The following ZMYM2 variants were observed in gnomAD, a reference collection of about 807,000 sequenced individuals.
The protein encoded by ZMYM2 is zinc finger MYM-type containing 2.
In ZMYM2, 56 loss-of-function variants were observed where a neutral mutation model predicts 162.8. That is an observed-to-expected ratio of 0.34 (90% CI 0.28 to 0.43). The LOEUF is 0.43. Ranked by LOEUF, ZMYM2 falls within the 20% of genes least tolerant of loss-of-function variation. The pLI is 1.00. For missense variants in ZMYM2, 1,275 were observed against 1,621.8 expected (o/e 0.79, Z 3.67); for synonymous variants, 510 against 541.6 (o/e 0.94, Z 0.81).
At chr13:19,989,827 A>G (rs1423074432) in intron 2 of ZMYM2, among the ~76,000 whole-genome samples, 2 of 152,110 alleles carry the variant, frequency 1.3e-5, no homozygotes, top group East Asian at 1.9e-4. Flanking sequence ...CTTCTACTCT[A>G]TCTCCATGAG....
At chr13:20,041,111 G>A (rs1954206856) in intron 12 of ZMYM2, among the ~76,000 whole-genome samples, 1 of 152,068 alleles carries the variant, frequency 6.6e-6, no homozygotes, top group South Asian at 2.1e-4. Flanking sequence ...ATTCTATGCT[G>A]AGTTCAGGTC....
chr13:19,986,787 T>C (rs1279745354), intron 2 of ZMYM2, among the ~76,000 whole-genome samples: 2 of 152,026 alleles, frequency 1.3e-5, no homozygotes, highest in Non-Finnish European at 2.9e-5. Context: ...AGAATCATTA[T>C]TATATCAATT....
intron 12 of ZMYM2, among the ~76,000 whole-genome samples, chr13:20,037,949 C>T (rs547705534): frequency 3.7e-4 from 57 of 152,194 alleles, no homozygotes; most frequent in African/African-American, 1.3e-3. Context: ...CCTCCTCCCA[C>T]CCTCCACTCT....
At chr13:19,883,019 G>T in the ZMYM2 span, among the ~76,000 whole-genome samples, 1 of 152,082 alleles carries the variant, frequency 6.6e-6, no homozygotes, top group Non-Finnish European at 1.5e-5. Flanking sequence ...ATTAATGGAC[G>T]AAAGGATAAA....
chr13:19,898,425 G>C, the ZMYM2 span, among the ~76,000 whole-genome samples: 2 of 151,870 alleles, frequency 1.3e-5, no homozygotes, highest in Non-Finnish European at 2.9e-5. Context: ...AGTAGAGACG[G>C]GGTTTCACTG....
Position 19,993,050 on chromosome 13 carries a change from A to T in ZMYM2, c.-10-13A>T, listed in dbSNP as rs748972330. The T allele has an allele frequency of 6.5e-7, 1 of 1,548,908 alleles. No homozygotes were observed. Among genetic ancestry groups the T allele is most frequent in the South Asian group, 1.2e-5 (1 of 80,640 alleles). On this transcript the variant is annotated splice_polypyrimidine_tract_variant and intron_variant, in intron 2 of 24. Coordinates refer to ENST00000610343, the MANE Select transcript of ZMYM2 (RefSeq NM_197968.4). ...TACTGACATTTTAATTCTTTTTTCT[A>T]TCTTCCTAACAGGTTCTTTGGCATG...
At chr13:19,962,680 G>A (rs964489041) in intron 2 of ZMYM2, among the ~76,000 whole-genome samples, 38 of 150,064 alleles carry the variant, frequency 2.5e-4, no homozygotes, top group African/African-American at 8.6e-4. Context: ...ATGCGCCACT[G>A]TGCCTGACCA....
At chr13:19,983,749 C>A (rs1948919547) in intron 2 of ZMYM2, among the ~76,000 whole-genome samples, 1 of 152,114 alleles carries the variant, frequency 6.6e-6, no homozygotes, top group Non-Finnish European at 1.5e-5. Context: ...CCGCCTCAGT[C>A]CCATAAGTAG....
intron 2 of ZMYM2, among the ~76,000 whole-genome samples, chr13:19,985,868 T>A (rs1344236568): frequency 1.3e-5 from 2 of 151,122 alleles, no homozygotes; most frequent in African/African-American, 4.9e-5. Context: ...AGAGTGAGAC[T>A]CTGTCTCAAA....
intron 11 of ZMYM2, among the ~76,000 whole-genome samples, 153 bp from the exon 12 acceptor site, chr13:20,036,584 C>A (rs1953724787): frequency 6.6e-6 from 1 of 152,034 alleles, no homozygotes; most frequent in Non-Finnish European, 1.5e-5. Context: ...ATCCCATATT[C>A]TGTTCTAATT....
rs758563671 is a variant in ZMYM2 at position 20,003,099 on chromosome 13, A to G, written c.1097A>G (p.Lys366Arg). ...STTCLSSFSHKPAPKKLCVMC... is the reference protein window; with the variant it reads ...STTCLSSFSHRPAPKKLCVMC... ...ACCTGCCTTTCTTCCTTCTCCCACA[A>G]GCCTGCTCCAAAGAAACTCTGTGTT... The change falls in exon 4 of 25, where the codon AAG becomes AGG. Residue 366 changes from lysine to arginine, a missense_variant. Transcript: ENST00000610343. 3 of 1,614,178 alleles carry G rather than the reference A, an allele frequency of 1.9e-6. No individual in the cohort carries two copies. The highest frequency in any genetic ancestry group is 2.5e-6 in the Non-Finnish European group (3 of 1,180,034).
At chr13:20,010,342 C>T (rs928045617) in intron 6 of ZMYM2, among the ~76,000 whole-genome samples, 6 of 151,996 alleles carry the variant, frequency 3.9e-5, no homozygotes, top group Admixed American at 2.0e-4. Flanking sequence ...ACCACAGGCA[C>T]GGGCCACTAC....
At chr13:19,928,847 G>C in the ZMYM2 span, among the ~76,000 whole-genome samples, 2 of 151,722 alleles carry the variant, frequency 1.3e-5, no homozygotes, top group Admixed American at 1.3e-4. Flanking sequence ...GTTTCACCAT[G>C]TTGGCCAGGT....
chr13:19,989,101 T>A (rs1295739743), intron 2 of ZMYM2, among the ~76,000 whole-genome samples: 1 of 152,114 alleles, frequency 6.6e-6, no homozygotes, highest in Non-Finnish European at 1.5e-5. Flanking sequence ...TCTCAAGAGT[T>A]TTTTTCCCCC....
At chr13:20,058,739 A>G in intron 15 of ZMYM2, 35 bp downstream of exon 15, 1 of 1,609,238 alleles carries the variant, frequency 6.2e-7, no homozygotes, top group Non-Finnish European at 8.5e-7. Flanking sequence ...ATACTTCCCC[A>G]TACCTTCATC....
At chr13:19,937,964 G>A in the ZMYM2 span, among the ~76,000 whole-genome samples, 1 of 152,006 alleles carries the variant, frequency 6.6e-6, no homozygotes, top group African/African-American at 2.4e-5. Context: ...CAAAGGACAT[G>A]AACTCATCAT....
chr13:20,007,259 C>G (rs1950816139), intron 6 of ZMYM2, among the ~76,000 whole-genome samples: 1 of 152,016 alleles, frequency 6.6e-6, no homozygotes, highest in Admixed American at 6.6e-5. Flanking sequence ...CCTCAGCCTC[C>G]CAAGTAGCTG....
the ZMYM2 span, among the ~76,000 whole-genome samples, chr13:19,920,336 G>A: frequency 1.3e-5 from 2 of 152,002 alleles, no homozygotes; most frequent in Admixed American, 6.6e-5. Flanking sequence ...TAGCTCTAAG[G>A]CAGTACAGAA....
At chr13:20,063,030 A>G (rs574684093) in intron 18 of ZMYM2, 59 bp downstream of exon 18, 2 of 1,505,530 alleles carry the variant, frequency 1.3e-6, no homozygotes, top group African/African-American at 1.4e-5. Context: ...GGTTATGATC[A>G]TTTACCATTT....
Sources: allele counts gnomAD v4.1 joint callset (sites outside exome capture counted in the v4.1 genomes callset), GRCh38; gene constraint gnomAD v4.1.1; transcripts MANE v1.5; gene names NCBI Gene and HGNC (gene_info 2026-07-23, HGNC 2026-07-21).